CANX: variants seen among roughly 807,000 people sequenced by gnomAD.
CANX encodes calnexin.
Under a neutral mutation model 75.7 loss-of-function variants are expected in CANX, and 14 were observed. The observed-to-expected ratio is 0.19, with a 90% CI of 0.12 to 0.29. The LOEUF (loss-of-function observed/expected upper bound fraction) is 0.29, where lower values mean the gene tolerates loss of function less well. CANX is among the 10% of genes least tolerant of loss of function. The pLI, the probability that CANX is intolerant of heterozygous loss-of-function variation, is 1.00. For missense variants in CANX, 567 were observed against 713.2 expected (o/e 0.79, Z 2.34); for synonymous variants, 227 against 236.9 (o/e 0.96, Z 0.38).
chr5:179,697,339 CAGGG>C (rs561619294), upstream of CANX, among the ~76,000 whole-genome samples: 8 of 152,302 alleles, frequency 5.3e-5, no homozygotes, highest in South Asian at 1.7e-3. Context: ...GCTCAGATCA[CAGGG>C]AGAGCCACCT....
chr5:179,711,194 C>T (rs1581864414), intron 7 of CANX, among the ~76,000 whole-genome samples: 1 of 152,144 alleles, frequency 6.6e-6, no homozygotes, highest in Non-Finnish European at 1.5e-5. Context: ...GAGGCTGAAT[C>T]GGATGGATTG....
chr5:179,700,165 C>T (rs570365390), intron 1 of CANX: 1 of 152,192 alleles, frequency 6.6e-6, no homozygotes, highest in Non-Finnish European at 1.5e-5. Flanking sequence ...TAGAAGAAAC[C>T]GGGCATTGTG....
In CANX at chr5:179,720,450, C is replaced by T; in HGVS notation, c.1072C>T (p.Pro358Ser). 5 of 1,613,950 alleles carry T rather than the reference C, an allele frequency of 3.1e-6. No individual in the cohort carries two copies. The highest frequency in any genetic ancestry group is 4.2e-6 in the Non-Finnish European group (5 of 1,179,840). ...ATGGGAGGCTCCTCAGATTGCCAAC[C>T]CTAGATGTGAGTCAGCTCCTGGATG... ...GEWEAPQIAN[P>S]RCESAPGCGV... The change falls in exon 10 of 15, where the codon CCT becomes TCT. Residue 358 changes from proline to serine, a missense_variant. Transcript: ENST00000247461.
At chr5:179,713,806 C>T (rs937459079) in intron 7 of CANX, among the ~76,000 whole-genome samples, 3 of 151,936 alleles carry the variant, frequency 2.0e-5, no homozygotes, top group African/African-American at 4.8e-5. Flanking sequence ...CCCAGGTGCT[C>T]GGGAGGCTGT....
intron 1 of CANX, among the ~76,000 whole-genome samples, chr5:179,686,641 T>G (rs1045220771): frequency 3.3e-5 from 5 of 151,848 alleles, no homozygotes; most frequent in Non-Finnish European, 5.9e-5. Context: ...TTTTGTATTT[T>G]TTAGTGGAGA....
In CANX at chr5:179,705,755, A is replaced by T. The variant is rs961708620; in HGVS notation, c.74A>T (p.Asp25Val). 3.1e-6 allele frequency: 5 copies of T among 1,610,230 alleles called. No individual in the cohort carries two copies. Among genetic ancestry groups the T allele is most frequent in the Non-Finnish European group, 3.4e-6 (4 of 1,176,596 alleles). ...TAIVEAHDGH[D>V]DDVIDIEDDL... ...ATTGTTGAGGCTCATGATGGACATG[A>T]TGATGATGTGATTGATATTGAGGAT... Residue 25 changes from aspartate (D) to valine (V), a missense_variant, in exon 2 of 15, where the codon GAT becomes GTT. Coordinates refer to ENST00000247461, the MANE Select transcript of CANX (RefSeq NM_001746.4).
intron 1 of CANX, chr5:179,681,022 C>T (rs1189284174): frequency 3.9e-6 from 4 of 1,018,080 alleles, no homozygotes; most frequent in Non-Finnish European, 5.9e-6. Context: ...TGCTGAGCTG[C>T]TGTCCCAGGG....
chr5:179,723,721 A>C lies in CANX; in HGVS notation c.1460A>C (p.Tyr487Ser). The change falls in exon 12 of 15, where the codon TAT becomes TCT. Residue 487 changes from tyrosine to serine, a missense_variant. By Grantham distance (144) the Tyr-to-Ser change is moderately radical. This residue lies in a region of CANX where 167 missense variants were observed against 179.3 expected (regional missense o/e 0.93). Coordinates refer to ENST00000247461, the MANE Select transcript of CANX (RefSeq NM_001746.4). ...AEERPWLWVVYILTVALPVFL... is the reference protein window; with the variant it reads ...AEERPWLWVVSILTVALPVFL... ...GAGCGCCCGTGGCTGTGGGTAGTCTATATTCTAACTGTAGCCCTTCCTGTG... is the reference window on the plus strand; with the variant it reads ...GAGCGCCCGTGGCTGTGGGTAGTCTCTATTCTAACTGTAGCCCTTCCTGTG... The C allele has an allele frequency of 6.2e-7, 1 of 1,613,480 alleles. No homozygotes were observed. The highest frequency in any genetic ancestry group is 8.5e-7 in the Non-Finnish European group (1 of 1,179,708).
intron 9 of CANX, 139 bp from the exon 10 acceptor site, chr5:179,720,265 A>G (rs1691579281): frequency 2.0e-6 from 1 of 491,656 alleles, no homozygotes; most frequent in Admixed American, 3.6e-5. Flanking sequence ...AAAAACTGTT[A>G]TTACTGGAAA....
chr5:179,698,682 C>T, upstream of CANX: 2 of 1,043,092 alleles, frequency 1.9e-6, no homozygotes, highest in Non-Finnish European at 2.6e-6. Flanking sequence ...TTAAACCAGC[C>T]CCGCCCCGAG....
chr5:179,713,830 CCCTTGAGTCCA>C lies in CANX; in HGVS notation c.722-2274_722-2264del, dbSNP rs571306214. On this transcript the variant is annotated intron_variant, in intron 7 of 14. Transcript: ENST00000247461. ...TCGGGAGGCTGTGGTATAAAAGGAT[CCCTTGAGTCCA>C]GGATTCGAGATTGCAGTGAGCTATG... Among the ~76,000 whole-genome samples, 42 of 152,186 alleles carry C rather than the reference CCCTTGAGTCCA, an allele frequency of 2.8e-4. No individual in the cohort carries two copies. In the South Asian group the frequency reaches 8.7e-3, roughly 32 times the overall value.
chr5:179,711,535 T>C (rs1777552440), intron 7 of CANX, among the ~76,000 whole-genome samples: 1 of 152,142 alleles, frequency 6.6e-6, no homozygotes, highest in African/African-American at 2.4e-5. Context: ...GTGCCTATAA[T>C]CCCAGCACTT....
chr5:179,729,060 G>T lies in CANX; in HGVS notation c.*416G>T. ...GAGATGAGTTGCAGTTTTTATAATA[G>T]ATTTTTTTTAAAGTTTGGTATTGTA... On this transcript the variant is annotated 3_prime_UTR_variant, in exon 15 of 15. Transcript: ENST00000247461. 4.5e-6 allele frequency: 1 copy of T among 223,452 alleles called. No homozygotes were observed. Among genetic ancestry groups the T allele is most frequent in the Non-Finnish European group, 9.1e-6 (1 of 109,964 alleles). 13.8% of individuals were successfully genotyped at this position (223,452 alleles called of 1,614,324 possible).
chr5:179,718,515 G>T (rs1219649797), intron 8 of CANX, among the ~76,000 whole-genome samples: 1 of 143,546 alleles, frequency 7.0e-6, no homozygotes, highest in East Asian at 2.2e-4. Flanking sequence ...GTGCCACCGT[G>T]CCTGGCTGTG....
rs1778449858 is a variant in CANX, at chr5:179,723,575, C to T, written c.1399-85C>T. On this transcript the variant is annotated intron_variant, in intron 11 of 14. Coordinates refer to ENST00000247461, the MANE Select transcript of CANX (RefSeq NM_001746.4). ...AAAGAAGGTCCTGCGTAGTGCCATG[C>T]CATAACTGAACTGCAGAAAAACAGC... The T allele has an allele frequency of 1.8e-5, 26 of 1,407,178 alleles. 1 individual carries two copies. The South Asian group carries it at 3.2e-4, about 17-fold the overall frequency. 87.2% of individuals were successfully genotyped at this position (1,407,178 alleles called of 1,614,324 possible). A position where few individuals can be genotyped will look rare whatever the true frequency, so the allele number is the denominator to read the frequency against.
intron 1 of CANX, chr5:179,700,626 G>C (rs536364634): frequency 1.6e-4 from 25 of 153,114 alleles, no homozygotes; most frequent in Non-Finnish European, 3.5e-4. Context: ...ATGGCTGTCA[G>C]CATTCCCCGA....
At chr5:179,690,917 T>A (rs978916609) in intron 1 of CANX, among the ~76,000 whole-genome samples, 4 of 152,302 alleles carry the variant, frequency 2.6e-5, no homozygotes, top group African/African-American at 9.6e-5. Context: ...ACATAAATGT[T>A]AATTTGACTT....
chr5:179,726,403 C>T (rs1367788301), intron 13 of CANX, among the ~76,000 whole-genome samples: 2 of 151,806 alleles, frequency 1.3e-5, no homozygotes, highest in African/African-American at 2.4e-5. Flanking sequence ...GGTGAAACCC[C>T]GTCTCTACTA....
At chr5:179,698,611 C>A (rs1023876602), upstream of CANX, 8 of 1,285,658 alleles carry the variant, frequency 6.2e-6, no homozygotes, top group African/African-American at 7.6e-5. Context: ...CGGGTGAGGG[C>A]TACTGGGGGT....
Sources: allele counts gnomAD v4.1 joint callset (sites outside exome capture counted in the v4.1 genomes callset), GRCh38; gene constraint gnomAD v4.1.1; regional missense constraint gnomAD v4.1.1; transcripts MANE v1.5; gene names NCBI Gene and HGNC (gene_info 2026-07-23, HGNC 2026-07-21).